Variants in EDEM1 observed in about 807,000 individuals in gnomAD.
The protein encoded by EDEM1 is ER degradation enhancing alpha-mannosidase like protein 1.
A neutral mutation model predicts 74.4 loss-of-function variants in EDEM1; 67 were observed. The ratio of observed to expected loss-of-function variants is 0.90; its 90% confidence interval spans 0.74 to 1.10. The LOEUF is 1.10. Among genes scored for constraint, EDEM1 ranks in the 50% least tolerant of loss-of-function variants. The pLI is 0.00. For missense variants in EDEM1, 926 were observed against 851.6 expected, an observed-to-expected ratio of 1.09 and a Z score of -1.09; for synonymous variants, 382 against 335.9, an observed-to-expected ratio of 1.14 and a Z score of -1.50.
intron 2 of EDEM1, among the ~76,000 whole-genome samples, chr3:5,197,337 C>G (rs2054982097): frequency 6.6e-6 from 1 of 152,190 alleles, no homozygotes; most frequent in South Asian, 2.1e-4. Flanking sequence ...TGCCCATCAG[C>G]ATTTTAAAGA....
intron 3 of EDEM1, among the ~76,000 whole-genome samples, chr3:5,201,355 T>A (rs2055032377): frequency 6.6e-6 from 1 of 151,604 alleles, no homozygotes; most frequent in Non-Finnish European, 1.5e-5. Context: ...GGGTCTTGCC[T>A]TGTTGCCCAG....
chr3:5,214,539 G>A (rs549468753), intron 11 of EDEM1, among the ~76,000 whole-genome samples: 1 of 152,334 alleles, frequency 6.6e-6, no homozygotes, highest in East Asian at 1.9e-4. Context: ...GTGAGAGGGG[G>A]AAGAGTTAAT....
intron 2 of EDEM1, among the ~76,000 whole-genome samples, chr3:5,199,200 G>C (rs746869812): frequency 4.6e-5 from 7 of 152,194 alleles, no homozygotes; most frequent in Non-Finnish European, 8.8e-5. Context: ...GAGGAGCAGA[G>C]AGAAAGACAT....
chr3:5,201,162 A>AT (rs1171459924), intron 3 of EDEM1, among the ~76,000 whole-genome samples: 2,280 of 141,482 alleles, frequency 0.016, 59 homozygotes, highest in African/African-American at 0.054. Flanking sequence ...GTACACTCTT[A>AT]TTTTTTTTTT....
Position 5,209,461 on chromosome 3 carries a change from A to C in EDEM1, c.1510-714A>C, listed in dbSNP as rs952135240. The stretch of plus-strand genomic sequence containing the variant: ...CTTCACGTTGACAGAGATGTCTTGC[A>C]CTCTTCAGCTTTACCCTCCGAAGCC... On this transcript the variant is annotated intron_variant, in intron 8 of 11. Transcript: ENST00000256497. 1.3e-4 allele frequency among the ~76,000 whole-genome samples: 20 copies of C among 151,938 alleles called. 2 individuals are homozygous for C. The highest frequency in any genetic ancestry group is 9.2e-4 in the Admixed American group (14 of 15,256).
rs139708132 is a variant in EDEM1 at position 5,208,231 on chromosome 3, G to C, written c.1477G>C (p.Glu493Gln). 44 of 1,612,950 alleles carry C rather than the reference G, an allele frequency of 2.7e-5. No homozygotes were observed. The Admixed American group carries it at 5.7e-4, about 21-fold the overall frequency. ...PDVLFYPLRPELVESTYLLYQ... is the reference protein window; with the variant it reads ...PDVLFYPLRPQLVESTYLLYQ... Reference sequence around the variant, plus strand: ...CGTTCTCTTCTACCCACTGAGACCAGAGTTAGTGGAATCCACATATCTCCT... The same window carrying C: ...CGTTCTCTTCTACCCACTGAGACCACAGTTAGTGGAATCCACATATCTCCT... The change falls in exon 8 of 12, where the codon GAG becomes CAG. Residue 493 changes from glutamate to glutamine, a missense_variant. Coordinates refer to ENST00000256497, the MANE Select transcript of EDEM1 (RefSeq NM_014674.3).
Position 5,218,785 on chromosome 3 carries a change from A to G in EDEM1, c.*2867A>G, listed in dbSNP as rs1296274209. ...CATAGGTGGCAAGGGAGGGTTTGCT[A>G]GCTCTCCATTTGCACTGGCCATTGT... On this transcript the variant is annotated 3_prime_UTR_variant, in exon 12 of 12. Transcript: ENST00000256497. 6.6e-6 allele frequency: 1 copy of G among 152,204 alleles called. No homozygotes were observed. Among genetic ancestry groups the G allele is most frequent in the Non-Finnish European group, 1.5e-5 (1 of 68,036 alleles). The allele number at this position is 152,204 out of a possible 1,614,324, so 9.4% of individuals were successfully genotyped here.
intron 1 of EDEM1, among the ~76,000 whole-genome samples, chr3:5,193,563 C>G (rs2054926378): frequency 6.6e-6 from 1 of 152,084 alleles, no homozygotes; most frequent in East Asian, 1.9e-4. Flanking sequence ...GACTATAGCC[C>G]CCATATATAT....
intron 9 of EDEM1, among the ~76,000 whole-genome samples, chr3:5,210,641 G>A (rs1025420937): frequency 9.9e-5 from 15 of 151,484 alleles, no homozygotes; most frequent in African/African-American, 3.6e-4. Context: ...TATATGATGT[G>A]TGTATATATG....
intron 10 of EDEM1, among the ~76,000 whole-genome samples, chr3:5,211,657 T>A (rs1181703391): frequency 9.8e-5 from 14 of 142,726 alleles, no homozygotes; most frequent in African/African-American, 3.8e-4. Context: ...TGAGTGAGTG[T>A]GTGTGTGTGT....
chr3:5,210,282 G>C, intron 9 of EDEM1, 34 bp downstream of exon 9: 1 of 1,574,406 alleles, frequency 6.4e-7, no homozygotes, highest in Non-Finnish European at 8.7e-7. Flanking sequence ...TTTTCTGTCA[G>C]CCACTTTTAA....
At chr3:5,213,063 G>C (rs1054457187) in intron 10 of EDEM1, among the ~76,000 whole-genome samples, 3 of 152,206 alleles carry the variant, frequency 2.0e-5, no homozygotes, top group African/African-American at 7.2e-5. Context: ...CAGAATTTCT[G>C]AGTCTCTGCG....
At chr3:5,213,185 T>C in intron 10 of EDEM1, 134 bp from the exon 11 acceptor site, 1 of 868,130 alleles carries the variant, frequency 1.2e-6, no homozygotes, top group Non-Finnish European at 1.7e-6. Context: ...AGTCAATTCC[T>C]TTTCACCCAG....
rs887619394 is a variant in EDEM1, at chr3:5,219,023, G to A, written c.*3105G>A. On this transcript the variant is annotated 3_prime_UTR_variant, in exon 12 of 12. Transcript: ENST00000256497. ...CTGTGCACGTGACTATTAGAGGAGC[G>A]TCTGTAGAAGTACCTGGTTTGGTCA... The A allele has an allele frequency of 1.3e-5, 2 of 152,016 alleles. No homozygotes were observed. The highest frequency in any genetic ancestry group is 1.5e-5 in the Non-Finnish European group (1 of 67,950). The allele number at this position is 152,016 out of a possible 1,614,324, so 9.4% of individuals were successfully genotyped here.
At position 5,187,872 on chromosome 3, in the gene EDEM1, C is replaced by G. The variant is rs374069027; in HGVS notation, c.67C>G (p.Leu23Val). The part of the protein sequence containing the change: ...LRLGLHGVLW[L>V]VFGLGPSMGF... ...GCTTGGCCTCCATGGAGTATTGTGG[C>G]TCGTCTTCGGGCTGGGGCCCAGCAT... The change falls in exon 1 of 12, where the codon CTC becomes GTC. Residue 23 changes from leucine to valine, a missense_variant. By Grantham distance (32) the Leu-to-Val change is conservative. Transcript: ENST00000256497. 2 of 1,599,742 alleles carry G rather than the reference C, an allele frequency of 1.3e-6. No individual in the cohort carries two copies. The highest frequency in any genetic ancestry group is 1.7e-6 in the Non-Finnish European group (2 of 1,174,664).
chr3:5,211,976 G>C (rs1298247552), intron 10 of EDEM1, among the ~76,000 whole-genome samples: 2 of 152,170 alleles, frequency 1.3e-5, no homozygotes, highest in Non-Finnish European at 2.9e-5. Flanking sequence ...CAGGTTAGAA[G>C]ATAGCATGGC....
chr3:5,202,035 A>G, intron 4 of EDEM1, 111 bp downstream of exon 4: 1 of 1,322,358 alleles, frequency 7.6e-7, no homozygotes. Context: ...GGTAGATGAG[A>G]AAAGCAGTGT....
In EDEM1 at chr3:5,188,138, G is replaced by A. The variant is rs543258694; in HGVS notation, c.333G>A (p.Pro111=). 7.6e-5 allele frequency: 116 copies of A among 1,532,770 alleles called. No homozygotes were observed. In the South Asian group the frequency reaches 1.2e-3, roughly 15 times the overall value. The allele number at this position is 1,532,770 out of a possible 1,614,324, so 94.9% of individuals were successfully genotyped here. The stretch of plus-strand genomic sequence containing the variant: ...TGCTGGGCGGCCGGGGCCGCGGCCC[G>A]GACGAGTACGAGAAGCGCTACAGCG... ...GYVLGGRGRG[P]DEYEKRYSGA... Residue 111 remains proline, a synonymous_variant, in exon 1 of 12, where the codon CCG becomes CCA. Transcript: ENST00000256497.
intron 1 of EDEM1, among the ~76,000 whole-genome samples, chr3:5,194,680 T>G (rs944494744): frequency 6.6e-6 from 1 of 152,224 alleles, no homozygotes; most frequent in African/African-American, 2.4e-5. Context: ...GAGTTATTAA[T>G]GAAGAAATGG....
Sources: gnomAD v4.1 joint callset for allele counts (sites outside exome capture counted in the v4.1 genomes callset) on GRCh38, gnomAD v4.1.1 for gene constraint, MANE v1.5 for transcripts, NCBI Gene and HGNC (gene_info 2026-07-23, HGNC 2026-07-21) for gene names.